The following SSU72 variants were observed in gnomAD, a reference collection of about 807,000 sequenced individuals.
The protein encoded by SSU72 is SSU72 homolog, RNA polymerase II CTD phosphatase.
In SSU72, 12 loss-of-function variants were observed where a neutral mutation model predicts 22.7. The ratio of observed to expected loss-of-function variants is 0.53; its 90% CI spans 0.34 to 0.86. SSU72 has a LOEUF of 0.86. Ranked by LOEUF, SSU72 falls within the 40% of genes least tolerant of loss-of-function variation. The pLI, the probability that SSU72 is intolerant of heterozygous loss-of-function variation, is 0.02. For synonymous variants in SSU72, 116 were observed against 98.3 expected (o/e 1.18, Z -1.06); for missense variants, 151 against 249.8 (o/e 0.60, Z 2.67).
chr1:1,569,756 C>G (rs575507888), intron 1 of SSU72, among the ~76,000 whole-genome samples: 1 of 152,336 alleles, frequency 6.6e-6, no homozygotes, highest in South Asian at 2.1e-4. Flanking sequence ...CCTCCCTCAG[C>G]CTCCCAAAGT....
intron 2 of SSU72, among the ~76,000 whole-genome samples, chr1:1,553,018 C>CAAA (rs35241878): frequency 2.1e-5 from 2 of 93,810 alleles, no homozygotes; most frequent in Non-Finnish European, 2.4e-5. Flanking sequence ...GAGACTGTCT[C>CAAA]AAAAAAAAAA....
At chr1:1,553,747 CGCCACT>C (rs1262188323) in intron 2 of SSU72, among the ~76,000 whole-genome samples, 2 of 150,152 alleles carry the variant, frequency 1.3e-5, no homozygotes, top group Admixed American at 1.3e-4. Flanking sequence ...GCCGAGACCA[CGCCACT>C]GCACCTCCAG....
intron 2 of SSU72, among the ~76,000 whole-genome samples, chr1:1,557,391 C>A (rs1169236671): frequency 6.6e-6 from 1 of 150,670 alleles, no homozygotes; most frequent in African/African-American, 2.4e-5. Flanking sequence ...CCAGCCTGGG[C>A]GACAGAACAA....
chr1:1,545,220 C>T (rs983642591), intron 2 of SSU72: 25 of 554,934 alleles, frequency 4.5e-5, no homozygotes, highest in Admixed American at 3.2e-5. Context: ...GGTGCTTGCT[C>T]CTCGCTGTCC....
In SSU72 at chr1:1,554,594, G is replaced by A. The variant is rs9439467; in HGVS notation, c.225-9592C>T. On this transcript the variant is annotated intron_variant, in intron 2 of 4. Coordinates refer to ENST00000291386, the MANE Select transcript of SSU72 (RefSeq NM_014188.3). The surrounding 1 kb of genome is among the most constrained non-coding windows in gnomAD (Gnocchi z 4.1). ...AACATCCCGGGGAGTTAGAATGAGC[G>A]CAGCTGCCCATCCCACAGGAGAACC... is the stretch of plus-strand genomic sequence containing the variant. Among the ~76,000 whole-genome samples, 162 of 152,240 alleles carry A rather than the reference G, an allele frequency of 1.1e-3. No homozygotes were observed. The highest frequency in any genetic ancestry group is 3.8e-3 in the African/African-American group (156 of 41,530).
At position 1,564,803 on chromosome 1, in the gene SSU72, T is replaced by C; in HGVS notation, c.194A>G (p.Tyr65Cys). ...YDFKTTYDQMYNDLLRKDKEL... is the reference protein window; with the variant it reads ...YDFKTTYDQMCNDLLRKDKEL... ...TTTGTCTTTCCTAAGAAGATCATTG[T>C]ACATCTGGTCATATGTGGTTTTGAA... Residue 65 changes from tyrosine (Y) to cysteine (C), a missense_variant, in exon 2 of 5, where the codon TAC (tyrosine) becomes TGC (cysteine). Coordinates refer to ENST00000291386, the MANE Select transcript of SSU72 (RefSeq NM_014188.3). The C allele has an allele frequency of 6.2e-7, 1 of 1,614,244 alleles. No individual in the cohort carries two copies. The highest frequency in any genetic ancestry group is 8.5e-7 in the Non-Finnish European group (1 of 1,180,052).
chr1:1,544,594 G>A (rs1286469302), intron 3 of SSU72: 1 of 492,814 alleles, frequency 2.0e-6, no homozygotes, highest in Admixed American at 3.3e-5. Context: ...CTCCAGCCTG[G>A]CGACAGAGCA....
intron 2 of SSU72, among the ~76,000 whole-genome samples, chr1:1,548,167 C>T (rs978596148): frequency 2.6e-5 from 4 of 152,174 alleles, no homozygotes; most frequent in Non-Finnish European, 1.5e-5. Context: ...ACAGTCCCTG[C>T]GGCCTCAGGG....
chr1:1,548,051 A>T (rs1459750857), intron 2 of SSU72, among the ~76,000 whole-genome samples: 2 of 152,206 alleles, frequency 1.3e-5, no homozygotes, highest in African/African-American at 2.4e-5. Flanking sequence ...CGTACCCAGA[A>T]AAGTGGGCCA....
chr1:1,559,489 T>C (rs532530976), intron 2 of SSU72, among the ~76,000 whole-genome samples: 22 of 152,250 alleles, frequency 1.4e-4, no homozygotes, highest in African/African-American at 5.1e-4. Context: ...AAACGGTCAG[T>C]CCACCCAAGG....
In SSU72 at chr1:1,541,835, AAAG is replaced by A; in HGVS notation, c.*228_*230del. 3.8e-6 allele frequency: 2 copies of A among 522,750 alleles called. No individual in the cohort carries two copies. Among genetic ancestry groups the A allele is most frequent in the Non-Finnish European group, 6.9e-6 (2 of 289,312 alleles). The allele number at this position is 522,750 out of a possible 1,614,324, so 32.4% of individuals were successfully genotyped here. ...AAACCGTTGTCTTTCCTTTTTGGTT[AAAG>A]AAGAAAAACTTTGTAATCAATATCC... On this transcript the variant is annotated 3_prime_UTR_variant, in exon 5 of 5. Transcript: ENST00000291386.
intron 2 of SSU72, among the ~76,000 whole-genome samples, chr1:1,556,813 G>C (rs1392450500): frequency 1.3e-5 from 2 of 152,336 alleles, no homozygotes; most frequent in East Asian, 1.9e-4. Flanking sequence ...TCACAGGCTT[G>C]TGGGCCCTGA....
intron 2 of SSU72, among the ~76,000 whole-genome samples, chr1:1,552,697 A>T (rs1011581792): frequency 2.0e-5 from 3 of 152,178 alleles, no homozygotes; most frequent in Admixed American, 6.5e-5. Flanking sequence ...ATCTAGTCAG[A>T]CTGAGGCTTA....
Position 1,542,161 on chromosome 1 carries a change from G to A in SSU72, c.490C>T (p.His164Tyr). 6.3e-7 allele frequency: 1 copy of A among 1,584,332 alleles called. No homozygotes were observed. The highest frequency in any genetic ancestry group is 8.6e-7 in the Non-Finnish European group (1 of 1,165,264). ...LICELCQCIQ[H>Y]TEDMENEIDE... ...ATCTCGTTCTCCATGTCTTCCGTGT[G>A]CTGGATCTGCAAGGACAGGACCGTG... The change falls in exon 5 of 5, where the codon CAC becomes TAC. Residue 164 changes from histidine (H) to tyrosine (Y), a missense_variant. Transcript: ENST00000291386. The surrounding 1 kb of genome is among the most constrained non-coding windows in gnomAD (Gnocchi z 4.4).
chr1:1,544,715 C>G (rs766464926), intron 3 of SSU72, 148 bp downstream of exon 3: 6 of 1,124,168 alleles, frequency 5.3e-6, no homozygotes, highest in Non-Finnish European at 7.9e-6. Context: ...GCGGCCCTGC[C>G]TGCCTTCCAG....
At chr1:1,572,885 G>A (rs938893457) in intron 1 of SSU72, among the ~76,000 whole-genome samples, 4 of 147,116 alleles carry the variant, frequency 2.7e-5, no homozygotes, top group African/African-American at 7.4e-5. Context: ...CTTGGGGGGG[G>A]GGGGGTGAGC....
At chr1:1,571,224 G>A (rs188336182) in intron 1 of SSU72, among the ~76,000 whole-genome samples, 17 of 124,664 alleles carry the variant, frequency 1.4e-4, no homozygotes, top group African/African-American at 3.3e-4. Flanking sequence ...CAGCCTGGGC[G>A]ACAGAGTGAG....
intron 2 of SSU72, chr1:1,560,828 T>A (rs537428830): frequency 3.2e-4 from 49 of 152,256 alleles, no homozygotes; most frequent in African/African-American, 1.0e-3. Context: ...TCTAAAAAAA[T>A]AATAATAATA....
At chr1:1,562,254 T>A (rs892345845) in intron 2 of SSU72, 2 of 109,652 alleles carry the variant, frequency 1.8e-5, no homozygotes, top group Admixed American at 9.1e-5. Context: ...TGTGCGTCAC[T>A]CTCTGCTTTT....
Sources: gnomAD v4.1 joint callset for allele counts (sites outside exome capture counted in the v4.1 genomes callset) on GRCh38, gnomAD v4.1.1 for gene constraint, Gnocchi (gnomAD v3.1) non-coding constraint, MANE v1.5 for transcripts, NCBI Gene and HGNC (gene_info 2026-07-23, HGNC 2026-07-21) for gene names.